CNTN4: variants seen among roughly 807,000 people sequenced by gnomAD.
The protein encoded by CNTN4 is contactin-4.
In CNTN4, 77 loss-of-function variants were observed where a neutral mutation model predicts 122.5. That is an observed-to-expected ratio of 0.63 (90% CI 0.52 to 0.76). The LOEUF is 0.76. Ranked by LOEUF, CNTN4 falls within the 30% of genes least tolerant of loss-of-function variation. The pLI, the probability that CNTN4 is intolerant of heterozygous loss-of-function variation, is 0.00. For synonymous variants in CNTN4, 512 were observed against 447.0 expected, an observed-to-expected ratio of 1.15 and a Z score of -1.83; for missense variants, 1,256 against 1,259.1, an observed-to-expected ratio of 1.00 and a Z score of 0.04.
chr3:2,337,145 A>T (rs984557787), intron 2 of CNTN4, among the ~76,000 whole-genome samples: 1 of 151,996 alleles, frequency 6.6e-6, no homozygotes. Flanking sequence ...CCTGCTTTCT[A>T]TTCTCTTTGG....
At chr3:2,172,432 A>G (rs1400878893) in intron 2 of CNTN4, among the ~76,000 whole-genome samples, 9 of 152,138 alleles carry the variant, frequency 5.9e-5, no homozygotes, top group Non-Finnish European at 1.0e-4. Flanking sequence ...GGCATAAAAG[A>G]CTACATATTG....
intron 13 of CNTN4, among the ~76,000 whole-genome samples, chr3:2,967,385 C>T (rs968002951): frequency 6.6e-6 from 1 of 152,092 alleles, no homozygotes; most frequent in African/African-American, 2.4e-5. Flanking sequence ...AGGGAAGAAT[C>T]TTGTAGCCTC....
At position 2,118,337 on chromosome 3, in the gene CNTN4, G is replaced by T. The variant is rs2033511264; in HGVS notation, c.-145+17698G>T. Among the ~76,000 whole-genome samples the T allele has an allele frequency of 2.0e-5, 3 of 152,156 alleles. No individual in the cohort carries two copies. The South Asian group carries it at 6.2e-4, about 31-fold the overall frequency. On this transcript the variant is annotated intron_variant, in intron 2 of 24. Transcript: ENST00000418658. ...ATTTGGAATCCTGGTTAAGACAGAG[G>T]CTTTTATGTTTAGTGATCAGTGTAT...
At chr3:2,757,918 G>T (rs547950885) in intron 6 of CNTN4, among the ~76,000 whole-genome samples, 3 of 152,084 alleles carry the variant, frequency 2.0e-5, no homozygotes, top group Admixed American at 2.0e-4. Flanking sequence ...ATGTATTTAG[G>T]GTACACACTA....
intron 2 of CNTN4, among the ~76,000 whole-genome samples, chr3:2,223,906 C>T (rs2039160569): frequency 6.6e-6 from 1 of 152,098 alleles, no homozygotes; most frequent in Non-Finnish European, 1.5e-5. Flanking sequence ...ATGATTGAAG[C>T]TTATGTAGCG....
chr3:2,547,784 T>G (rs1350766323), intron 3 of CNTN4, among the ~76,000 whole-genome samples: 2 of 152,152 alleles, frequency 1.3e-5, no homozygotes, highest in Admixed American at 1.3e-4. Flanking sequence ...AAGTGAATTT[T>G]CATTTATCTT....
chr3:2,179,647 T>G (rs2036922510), intron 2 of CNTN4, among the ~76,000 whole-genome samples: 1 of 151,958 alleles, frequency 6.6e-6, no homozygotes, highest in South Asian at 2.1e-4. Flanking sequence ...AATATTCACT[T>G]ATTTACACTC....
chr3:2,694,367 T>A (rs986997295), intron 4 of CNTN4, among the ~76,000 whole-genome samples: 3 of 152,208 alleles, frequency 2.0e-5, no homozygotes, highest in African/African-American at 7.2e-5. Flanking sequence ...AGTGTGTACT[T>A]ATAGATCTAG....
At chr3:2,243,214 C>A (rs2040010413) in intron 2 of CNTN4, among the ~76,000 whole-genome samples, 1 of 152,118 alleles carries the variant, frequency 6.6e-6, no homozygotes, top group Non-Finnish European at 1.5e-5. Context: ...AGACCTAGCT[C>A]TTTGAAGACT....
At chr3:2,172,291 T>TTATTCTA (rs2036551588) in intron 2 of CNTN4, among the ~76,000 whole-genome samples, 2 of 152,096 alleles carry the variant, frequency 1.3e-5, no homozygotes, top group Non-Finnish European at 2.9e-5. Flanking sequence ...CTAAATGAAG[T>TTATTCTA]AACTCAGAAA....
chr3:2,517,207 T>G (rs1220717793), intron 3 of CNTN4, among the ~76,000 whole-genome samples: 1 of 152,202 alleles, frequency 6.6e-6, no homozygotes, highest in African/African-American at 2.4e-5. Flanking sequence ...TGTAATTATC[T>G]TAAATGAAGT....
intron 7 of CNTN4, among the ~76,000 whole-genome samples, chr3:2,848,193 C>T (rs931524933): frequency 6.6e-6 from 1 of 152,168 alleles, no homozygotes; most frequent in African/African-American, 2.4e-5. Context: ...GAGCTATGAT[C>T]ATGCCACTGC....
chr3:2,758,706 C>T (rs1404167794), intron 6 of CNTN4, among the ~76,000 whole-genome samples: 3 of 151,886 alleles, frequency 2.0e-5, no homozygotes, highest in South Asian at 2.1e-4. Flanking sequence ...GGGGTTTCAC[C>T]GTGTTGGCCT....
At chr3:2,583,658 T>C (rs1402431478) in intron 4 of CNTN4, among the ~76,000 whole-genome samples, 9 of 152,222 alleles carry the variant, frequency 5.9e-5, no homozygotes, top group Non-Finnish European at 1.3e-4. Flanking sequence ...TTTTAAACTC[T>C]AGAACTTATA....
At chr3:2,816,024 T>G (rs1049898769) in intron 6 of CNTN4, among the ~76,000 whole-genome samples, 1 of 151,924 alleles carries the variant, frequency 6.6e-6, no homozygotes, top group Admixed American at 6.6e-5. Flanking sequence ...CTCACTGATA[T>G]GTGGGAGCTA....
At position 2,571,480 on chromosome 3, in the gene CNTN4, T is replaced by C; in HGVS notation, c.-24T>C. 6.3e-7 allele frequency: 1 copy of C among 1,595,936 alleles called. No individual in the cohort carries two copies. The highest frequency in any genetic ancestry group is 8.6e-7 in the Non-Finnish European group (1 of 1,163,520). On this transcript the variant is annotated 5_prime_UTR_variant, in exon 4 of 25. Transcript: ENST00000418658. ...ATTCGCTTGTTATTGGACTTGAAACTCCCTTTGACCTCGGAAACTGAAGAT... is the reference window on the plus strand; with the variant it reads ...ATTCGCTTGTTATTGGACTTGAAACCCCCTTTGACCTCGGAAACTGAAGAT...
rs541741446 is a variant in CNTN4, at chr3:2,350,970, G to C, written c.-89+11737G>C. ...ATGCAGCCTCCCAACGCATGATATA[G>C]TCTGCAATGAAAATGGCCCAAAATA... On this transcript the variant is annotated intron_variant, in intron 3 of 24. Coordinates refer to ENST00000418658, the MANE Select transcript of CNTN4 (RefSeq NM_175607.3). 1.6e-4 allele frequency among the ~76,000 whole-genome samples: 24 copies of C among 152,208 alleles called. No homozygotes were observed. The South Asian group carries it at 4.8e-3, about 30-fold the overall frequency.
At chr3:2,637,263 A>G (rs1049248601) in intron 4 of CNTN4, among the ~76,000 whole-genome samples, 1 of 151,854 alleles carries the variant, frequency 6.6e-6, no homozygotes, top group Non-Finnish European at 1.5e-5. Context: ...TACATACACA[A>G]GGTGCTTAAA....
chr3:2,525,408 T>G (rs114402318), intron 3 of CNTN4, among the ~76,000 whole-genome samples: 4,322 of 152,292 alleles, frequency 0.028, 81 homozygotes, highest in South Asian at 0.046. Flanking sequence ...GGATATTGTT[T>G]ATATTGTCGG....
Sources: gnomAD v4.1 joint callset for allele counts (sites outside exome capture counted in the v4.1 genomes callset) on GRCh38, gnomAD v4.1.1 for gene constraint, MANE v1.5 for transcripts, NCBI Gene and HGNC (gene_info 2026-07-23, HGNC 2026-07-21) for gene names.